The following TRIM33 variants were observed in gnomAD, a reference collection of about 807,000 sequenced individuals.
The protein encoded by TRIM33 is E3 ubiquitin-protein ligase TRIM33.
In TRIM33, 20 loss-of-function variants were observed where a neutral mutation model predicts 125.4. The ratio of observed to expected loss-of-function variants is 0.16; its 90% CI spans 0.11 to 0.23. The LOEUF is 0.23. Ranked by LOEUF, TRIM33 falls within the 10% of genes least tolerant of loss-of-function variation. The pLI is 1.00. For missense variants in TRIM33, 920 were observed against 1,411.4 expected (o/e 0.65, Z 5.58); for synonymous variants, 564 against 513.9 (o/e 1.10, Z -1.32).
intron 1 of TRIM33, among the ~76,000 whole-genome samples, chr1:114,508,698 G>A (rs1410640242): frequency 6.6e-6 from 1 of 151,900 alleles, no homozygotes; most frequent in East Asian, 1.9e-4. Context: ...GGAATTCTAC[G>A]TTTGTCTCCC....
chr1:114,489,568 A>G (rs1356330454), intron 1 of TRIM33, among the ~76,000 whole-genome samples: 1 of 151,864 alleles, frequency 6.6e-6, no homozygotes, highest in Non-Finnish European at 1.5e-5. Flanking sequence ...ACACAGCAAA[A>G]TCCTGTCTCT....
At chr1:114,413,583 AGAAAAAGACTTTTTCTG>A (rs1652731534) in intron 11 of TRIM33, among the ~76,000 whole-genome samples, 20 of 135,352 alleles carry the variant, frequency 1.5e-4, no homozygotes, top group African/African-American at 5.9e-4. Context: ...AGAAAAGAAA[AGAAAAAGACTTTTTCTG>A]AAAAGAAAAA....
intron 4 of TRIM33, among the ~76,000 whole-genome samples, chr1:114,453,225 G>C (rs761489375): frequency 2.6e-5 from 4 of 151,830 alleles, no homozygotes; most frequent in African/African-American, 9.7e-5. Flanking sequence ...TTAGCCAGGC[G>C]TGGTGATGTC....
intron 1 of TRIM33, among the ~76,000 whole-genome samples, chr1:114,508,708 C>G (rs1653152191): frequency 6.6e-6 from 1 of 152,124 alleles, no homozygotes; most frequent in South Asian, 2.1e-4. Flanking sequence ...GTTTGTCTCC[C>G]TCACACCAAT....
Position 114,427,293 on chromosome 1 carries a change from ATCTT to A in TRIM33, c.1303-3_1303del. On this transcript the variant is annotated splice_acceptor_variant and splice_polypyrimidine_tract_variant and coding_sequence_variant and intron_variant, in exon 8 of 20. Transcript: ENST00000358465. LOFTEE classifies it high-confidence loss of function. Reference sequence around the variant, plus strand: ...CAAAATATGACGCAACTGGAAAGTAATCTTAAAGGGAAAAAAATCCACATTAGTC... The same window carrying A: ...CAAAATATGACGCAACTGGAAAGTAAAAAGGGAAAAAAATCCACATTAGTC... 6.6e-7 allele frequency: 1 copy of A among 1,524,702 alleles called. No individual in the cohort carries two copies. 94.4% of individuals were successfully genotyped at this position (1,524,702 alleles called of 1,614,324 possible). A position where few individuals can be genotyped will look rare whatever the true frequency, so the allele number is the denominator to read the frequency against.
intron 1 of TRIM33, among the ~76,000 whole-genome samples, chr1:114,498,738 G>A (rs190759769): frequency 6.6e-5 from 10 of 152,170 alleles, no homozygotes; most frequent in African/African-American, 2.4e-4. Context: ...ACAAAGGGAA[G>A]GAAACTAGAA....
intron 5 of TRIM33, among the ~76,000 whole-genome samples, chr1:114,432,530 T>C (rs934817975): frequency 3.3e-5 from 5 of 152,232 alleles, no homozygotes; most frequent in Admixed American, 1.3e-4. Context: ...CTCAGGCCTA[T>C]AATCCCAGCA....
intron 4 of TRIM33, among the ~76,000 whole-genome samples, chr1:114,452,696 G>C (rs1052018197): frequency 3.8e-5 from 5 of 130,578 alleles, no homozygotes; most frequent in Non-Finnish European, 6.3e-5. Context: ...AGGAGTTCAA[G>C]ACCCGGGCAA....
At chr1:114,507,340 C>G (rs1570692694) in intron 1 of TRIM33, among the ~76,000 whole-genome samples, 1 of 152,270 alleles carries the variant, frequency 6.6e-6, no homozygotes, top group Middle Eastern at 3.4e-3. Context: ...GCTGTTGATC[C>G]AGGAACCACA....
intron 1 of TRIM33, among the ~76,000 whole-genome samples, chr1:114,471,542 A>G (rs1201181963): frequency 6.6e-6 from 1 of 152,210 alleles, no homozygotes; most frequent in African/African-American, 2.4e-5. Context: ...TGAGAAGCAA[A>G]TTAGTAGTCT....
chr1:114,469,149 GAC>G (rs1650486154), intron 1 of TRIM33: 1 of 189,804 alleles, frequency 5.3e-6, no homozygotes, highest in Non-Finnish European at 1.1e-5. Flanking sequence ...CTGATCACTG[GAC>G]ACACACCTGC....
At chr1:114,404,192 TG>T (rs1652088685) in intron 15 of TRIM33, 1 of 152,190 alleles carries the variant, frequency 6.6e-6, no homozygotes. Context: ...TAGAGTGCAG[TG>T]GTACAATCTC....
intron 16 of TRIM33, among the ~76,000 whole-genome samples, chr1:114,401,965 T>C (rs971896708): frequency 6.6e-6 from 1 of 152,210 alleles, no homozygotes; most frequent in Non-Finnish European, 1.5e-5. Flanking sequence ...ACATTCACAG[T>C]CTTCTATTTA....
At chr1:114,481,869 C>T (rs1651381467) in intron 1 of TRIM33, among the ~76,000 whole-genome samples, 1 of 151,948 alleles carries the variant, frequency 6.6e-6, no homozygotes, top group Non-Finnish European at 1.5e-5. Context: ...AAGTGATTCT[C>T]CTGCCTCAGC....
intron 4 of TRIM33, among the ~76,000 whole-genome samples, chr1:114,440,927 T>C (rs1648613567): frequency 6.6e-6 from 1 of 152,202 alleles, no homozygotes. Context: ...TTTAAAGACA[T>C]CTTTGTTATT....
Position 114,481,310 on chromosome 1 carries a change from T to C in TRIM33, c.527-16922A>G, listed in dbSNP as rs567183200. Among the ~76,000 whole-genome samples, 243 of 152,244 alleles carry C rather than the reference T, an allele frequency of 1.6e-3. 1 individual carries two copies. The highest frequency in any genetic ancestry group is 5.5e-3 in the African/African-American group (230 of 41,558). ...TGAACCAAACACAAAATTAAAACCA[T>C]AGGCCAGATGTGGTGGCTCACGCCT... On this transcript the variant is annotated intron_variant, in intron 1 of 19. Transcript: ENST00000358465.
chr1:114,502,839 A>G (rs1652791711), intron 1 of TRIM33, among the ~76,000 whole-genome samples: 1 of 152,216 alleles, frequency 6.6e-6, no homozygotes, highest in Admixed American at 6.5e-5. Flanking sequence ...TAAAAATCAG[A>G]AATAACTGTA....
intron 11 of TRIM33, chr1:114,420,230 C>T (rs1653193566): frequency 5.1e-6 from 2 of 390,634 alleles, no homozygotes; most frequent in Non-Finnish European, 1.0e-5. Context: ...CTCAAAGGTC[C>T]TTCACATTCC....
At chr1:114,470,286 C>T (rs1440889550) in intron 1 of TRIM33, among the ~76,000 whole-genome samples, 1 of 152,090 alleles carries the variant, frequency 6.6e-6, no homozygotes, top group East Asian at 1.9e-4. Flanking sequence ...GCCATTTTTC[C>T]CACAATGTGT....
Sources: allele counts gnomAD v4.1 joint callset (sites outside exome capture counted in the v4.1 genomes callset), GRCh38; gene constraint gnomAD v4.1.1; transcripts MANE v1.5; gene names NCBI Gene and HGNC (gene_info 2026-07-23, HGNC 2026-07-21).